The following KAT2B variants were observed in gnomAD, a reference collection of about 807,000 sequenced individuals.
KAT2B encodes the protein histone acetyltransferase KAT2B.
In KAT2B, 36 loss-of-function variants were observed where a neutral mutation model predicts 105.9. The observed-to-expected ratio is 0.34, with a 90% confidence interval of 0.26 to 0.45. The LOEUF is 0.45. Among genes scored for constraint, KAT2B ranks in the 20% least tolerant of loss-of-function variants. The pLI is 1.00. For synonymous variants in KAT2B, 397 were observed against 377.9 expected (o/e 1.05, Z -0.59); for missense variants, 820 against 1,021.6 (o/e 0.80, Z 2.69).
intron 9 of KAT2B, among the ~76,000 whole-genome samples, chr3:20,123,847 G>C (rs1387731119): frequency 6.6e-6 from 1 of 152,056 alleles, no homozygotes; most frequent in Admixed American, 6.6e-5. Flanking sequence ...TTCAAGTAAG[G>C]CATTTTTGGT....
In KAT2B at chr3:20,125,523, T is replaced by C. The variant is rs183907464; in HGVS notation, c.1414-382T>C. Among the ~76,000 whole-genome samples the C allele has an allele frequency of 2.8e-4, 43 of 152,304 alleles. 1 individual carries two copies. Among genetic ancestry groups the C allele is most frequent in the Admixed American group, 2.5e-3 (38 of 15,302 alleles). ...ACAGTACTGCACCCATTCTTTAACA[T>C]ATTGTCTGTGGATGCTTTTGCATTA... On this transcript the variant is annotated intron_variant, in intron 9 of 17. Coordinates refer to ENST00000263754, the MANE Select transcript of KAT2B (RefSeq NM_003884.5).
chr3:20,101,275 C>T lies in KAT2B; in HGVS notation c.670-12C>T, dbSNP rs763049785. ...ATAGCTGCATGAAGAAATTGCCTTC[C>T]CTCTTTTTAAGGGTGTGAATAACTT... On this transcript the variant is annotated splice_polypyrimidine_tract_variant and intron_variant, in intron 4 of 17. Coordinates refer to ENST00000263754, the MANE Select transcript of KAT2B (RefSeq NM_003884.5). 3.7e-6 allele frequency: 6 copies of T among 1,610,800 alleles called. No individual in the cohort carries two copies. In the East Asian group the frequency reaches 1.1e-4, roughly 30 times the overall value.
At position 20,127,481 on chromosome 3, in the gene KAT2B, C is replaced by T. The variant is rs764538271; in HGVS notation, c.1681C>T (p.Arg561Cys). 11 of 1,612,734 alleles carry T rather than the reference C, an allele frequency of 6.8e-6. No individual in the cohort carries two copies. The highest frequency in any genetic ancestry group is 6.7e-5 in the Admixed American group (4 of 59,994). Reference sequence around the variant, plus strand: ...CCGTGTTATTGGTGGTATCTGTTTCCGTATGTTCCCATCTCAAGGATTCAC... The same window carrying T: ...CCGTGTTATTGGTGGTATCTGTTTCTGTATGTTCCCATCTCAAGGATTCAC... Reference protein sequence around the residue: ...DGRVIGGICFRMFPSQGFTEI... With the variant: ...DGRVIGGICFCMFPSQGFTEI... The change falls in exon 11 of 18, where the codon CGT (arginine) becomes TGT (cysteine). Residue 561 changes from arginine to cysteine, a missense_variant. Around this residue, in one of 6 missense-constraint regions of KAT2B, gnomAD observed 225 missense variants for 268.1 expected, o/e 0.84. Coordinates refer to ENST00000263754, the MANE Select transcript of KAT2B (RefSeq NM_003884.5).
chr3:20,110,960 C>T (rs1239803733), intron 5 of KAT2B, among the ~76,000 whole-genome samples: 1 of 152,126 alleles, frequency 6.6e-6, no homozygotes, highest in Non-Finnish European at 1.5e-5. Context: ...ATACTTCCTA[C>T]ATTTTTGACT....
intron 12 of KAT2B, among the ~76,000 whole-genome samples, chr3:20,139,247 G>T (rs1408709584): frequency 6.6e-6 from 1 of 151,842 alleles, no homozygotes; most frequent in South Asian, 2.1e-4. Context: ...GTGTTCTTAT[G>T]TAATTAGAAA....
At chr3:20,053,741 A>T (rs1167087394) in intron 1 of KAT2B, among the ~76,000 whole-genome samples, 1 of 152,202 alleles carries the variant, frequency 6.6e-6, no homozygotes, top group Non-Finnish European at 1.5e-5. Flanking sequence ...TTTAAAGTCT[A>T]CAATAGACTT....
intron 2 of KAT2B, among the ~76,000 whole-genome samples, chr3:20,074,512 C>G (rs1302197727): frequency 6.6e-6 from 1 of 152,128 alleles, no homozygotes; most frequent in Non-Finnish European, 1.5e-5. Flanking sequence ...AGAATAGTAC[C>G]TGGCATGTAA....
At chr3:20,108,937 C>T (rs1377456822) in intron 5 of KAT2B, among the ~76,000 whole-genome samples, 3 of 152,148 alleles carry the variant, frequency 2.0e-5, no homozygotes, top group Non-Finnish European at 4.4e-5. Flanking sequence ...ATCCCTTCTA[C>T]CCCCAGCCAT....
At chr3:20,096,986 AAG>A (rs1698822986) in intron 3 of KAT2B, among the ~76,000 whole-genome samples, 3 of 151,642 alleles carry the variant, frequency 2.0e-5, no homozygotes, top group Non-Finnish European at 2.9e-5. Context: ...AGAGTGGGGG[AAG>A]AGAGAGAATA....
chr3:20,082,028 C>G (rs1474581959), intron 2 of KAT2B, among the ~76,000 whole-genome samples: 2 of 151,518 alleles, frequency 1.3e-5, no homozygotes, highest in Admixed American at 6.6e-5. Context: ...ATATACAGTT[C>G]CTAATAATAA....
At chr3:20,122,552 G>T in intron 8 of KAT2B, 116 bp from the exon 9 acceptor site, 1 of 713,684 alleles carries the variant, frequency 1.4e-6, no homozygotes, top group Non-Finnish European at 2.3e-6. Context: ...TCCCCTGGTG[G>T]TAAAGATAGA....
chr3:20,102,452 G>A (rs574395581), intron 5 of KAT2B, among the ~76,000 whole-genome samples: 2 of 152,202 alleles, frequency 1.3e-5, no homozygotes, highest in East Asian at 3.9e-4. Flanking sequence ...GAATTTTGTA[G>A]CCTTTATGTC....
intron 1 of KAT2B, among the ~76,000 whole-genome samples, chr3:20,054,519 T>G (rs189350721): frequency 2.0e-5 from 3 of 152,348 alleles, no homozygotes; most frequent in Non-Finnish European, 2.9e-5. Context: ...AGGGTAATCT[T>G]GTCAGTAACC....
chr3:20,125,770 C>G (rs1699391378), intron 9 of KAT2B, 135 bp from the exon 10 acceptor site: 1 of 678,016 alleles, frequency 1.5e-6, no homozygotes, highest in Admixed American at 2.4e-5. Flanking sequence ...TGTGTGCACA[C>G]ATGTGTATTT....
intron 1 of KAT2B, among the ~76,000 whole-genome samples, chr3:20,071,756 C>A (rs967581540): frequency 1.3e-5 from 2 of 152,188 alleles, no homozygotes; most frequent in African/African-American, 4.8e-5. Flanking sequence ...CCCAGGACTA[C>A]ATGATGAAGC....
chr3:20,040,448 T>G lies in KAT2B; in HGVS notation c.-30T>G. Reference sequence around the variant, plus strand: ...TGGCGGCGGCGGCGGCGCCTGACACTCGGCGCCTCCTGCCGTGCTCCGGGG... The same window carrying G: ...TGGCGGCGGCGGCGGCGCCTGACACGCGGCGCCTCCTGCCGTGCTCCGGGG... On this transcript the variant is annotated 5_prime_UTR_variant, in exon 1 of 18. Transcript: ENST00000263754. The G allele has an allele frequency of 1.9e-6, 2 of 1,080,468 alleles. No individual in the cohort carries two copies. Among genetic ancestry groups the G allele is most frequent in the East Asian group, 5.8e-5 (1 of 17,136 alleles). 66.9% of individuals were successfully genotyped at this position (1,080,468 alleles called of 1,614,324 possible). A position where few individuals can be genotyped will look rare whatever the true frequency, so the allele number is the denominator to read the frequency against.
At chr3:20,127,289 G>A (rs1026308217) in intron 10 of KAT2B, 134 bp from the exon 11 acceptor site, 3 of 775,692 alleles carry the variant, frequency 3.9e-6, no homozygotes, top group Non-Finnish European at 6.4e-6. Context: ...AGCGAGATAG[G>A]GGCTACATGA....
chr3:20,052,263 C>T (rs1484467910), intron 1 of KAT2B, among the ~76,000 whole-genome samples: 1 of 152,138 alleles, frequency 6.6e-6, no homozygotes, highest in African/African-American at 2.4e-5. Flanking sequence ...TACTGCACTT[C>T]TTAATATTTG....
At chr3:20,050,237 G>A (rs1158869183) in intron 1 of KAT2B, among the ~76,000 whole-genome samples, 1 of 150,936 alleles carries the variant, frequency 6.6e-6, no homozygotes, top group East Asian at 1.9e-4. Flanking sequence ...CCCCCAACCA[G>A]TTTATATAAG....
Sources: gnomAD v4.1 joint callset for allele counts (sites outside exome capture counted in the v4.1 genomes callset) on GRCh38, gnomAD v4.1.1 for gene constraint, gnomAD v4.1.1 regional missense constraint, MANE v1.5 for transcripts, NCBI Gene and HGNC (gene_info 2026-07-23, HGNC 2026-07-21) for gene names.